The following MAML3 variants were observed in gnomAD, a reference collection of about 807,000 sequenced individuals.
MAML3 encodes mastermind-like protein 3.
In MAML3, 27 loss-of-function variants were observed where a neutral mutation model predicts 101.9. The ratio of observed to expected loss-of-function variants is 0.27; its 90% CI spans 0.20 to 0.37. The LOEUF (loss-of-function observed/expected upper bound fraction) is 0.37. Among genes scored for constraint, MAML3 ranks in the 10% least tolerant of loss-of-function variants. The pLI, the probability that MAML3 is intolerant of heterozygous loss-of-function variation, is 1.00. For synonymous variants in MAML3, 501 were observed against 555.9 expected (o/e 0.90, Z 1.39); for missense variants, 1,316 against 1,444.9 (o/e 0.91, Z 1.45).
chr4:140,083,595 A>T (rs887394931), intron 1 of MAML3, among the ~76,000 whole-genome samples: 2 of 152,180 alleles, frequency 1.3e-5, no homozygotes, highest in Non-Finnish European at 2.9e-5. Context: ...CCTAACATGC[A>T]GGTCTGCCTG....
intron 1 of MAML3, among the ~76,000 whole-genome samples, chr4:140,093,590 T>G (rs76430859): frequency 6.6e-6 from 1 of 151,482 alleles, no homozygotes; most frequent in East Asian, 1.9e-4. Context: ...CTAATTTTTT[T>G]TAATTTTTTT....
intron 1 of MAML3, among the ~76,000 whole-genome samples, chr4:139,911,207 A>C (rs1372219215): frequency 6.7e-6 from 1 of 150,264 alleles, no homozygotes; most frequent in Non-Finnish European, 1.5e-5. Context: ...CCTGCATTGC[A>C]GCATGTCAGA....
chr4:140,109,332 A>G (rs1241225065), intron 1 of MAML3, among the ~76,000 whole-genome samples: 1 of 152,186 alleles, frequency 6.6e-6, no homozygotes, highest in Non-Finnish European at 1.5e-5. Context: ...GAATTTCATG[A>G]TAATGATTTC....
chr4:139,825,887 A>AT, intron 2 of MAML3, among the ~76,000 whole-genome samples: 1 of 152,308 alleles, frequency 6.6e-6, no homozygotes, highest in East Asian at 1.9e-4. Flanking sequence ...GAGAGGAGGC[A>AT]TGGGTGTTCT....
chr4:139,735,508 C>G lies in MAML3; in HGVS notation c.2080-4841G>C, dbSNP rs1427854160. ...GGCGGACACCAGACCCCAGGGCCGA[C>G]AGCCCGGGAGGGACCGGGTTCCAGG... On this transcript the variant is annotated intron_variant, in intron 2 of 4. Coordinates refer to ENST00000509479, the MANE Select transcript of MAML3 (RefSeq NM_018717.5). The surrounding 1 kb of genome is among the most constrained non-coding windows in gnomAD (Gnocchi z 5.8). Among the ~76,000 whole-genome samples, 2 of 151,940 alleles carry G rather than the reference C, an allele frequency of 1.3e-5. No individual in the cohort carries two copies. Among genetic ancestry groups the G allele is most frequent in the Non-Finnish European group, 2.9e-5 (2 of 67,966 alleles).
intron 1 of MAML3, among the ~76,000 whole-genome samples, chr4:139,931,911 C>T (rs1332306579): frequency 3.3e-5 from 5 of 151,510 alleles, no homozygotes; most frequent in East Asian, 1.9e-4. Flanking sequence ...CCCAGCTACT[C>T]GGGAGGCTGA....
intron 1 of MAML3, among the ~76,000 whole-genome samples, chr4:139,920,397 T>A (rs1316996264): frequency 1.3e-5 from 2 of 152,170 alleles, no homozygotes; most frequent in Admixed American, 1.3e-4. Context: ...AACACTTCTG[T>A]GGATGTGTGC....
At chr4:139,741,886 T>TAAA (rs1729177721) in intron 2 of MAML3, among the ~76,000 whole-genome samples, 1 of 151,788 alleles carries the variant, frequency 6.6e-6, no homozygotes, top group Non-Finnish European at 1.5e-5. Context: ...ATTGCATTTT[T>TAAA]AAAACGCCCT....
chr4:139,924,121 A>G (rs542407782), intron 1 of MAML3, among the ~76,000 whole-genome samples: 22 of 152,294 alleles, frequency 1.4e-4, no homozygotes, highest in African/African-American at 4.3e-4. Flanking sequence ...TCTTCAACCT[A>G]TTACTCTCTT....
intron 1 of MAML3, among the ~76,000 whole-genome samples, chr4:139,905,491 C>CAA (rs57898254): frequency 1.3e-5 from 1 of 79,976 alleles, no homozygotes; most frequent in Non-Finnish European, 2.7e-5. Context: ...GACTCTGTCT[C>CAA]AAAAAAAAAA....
intron 1 of MAML3, among the ~76,000 whole-genome samples, chr4:139,939,986 G>C (rs574692613): frequency 6.6e-6 from 1 of 152,046 alleles, no homozygotes; most frequent in South Asian, 2.1e-4. Context: ...GGCTGGTCTC[G>C]AACTCCTGAC....
chr4:140,129,317 T>C (rs1236219296), intron 1 of MAML3, among the ~76,000 whole-genome samples: 1 of 152,142 alleles, frequency 6.6e-6, no homozygotes, highest in Non-Finnish European at 1.5e-5. Context: ...CAGGAATAAC[T>C]TAGAACACAA....
chr4:140,130,875 G>A (rs1467229322), intron 1 of MAML3, among the ~76,000 whole-genome samples: 7 of 152,046 alleles, frequency 4.6e-5, no homozygotes, highest in East Asian at 3.9e-4. Flanking sequence ...ACCACCCAGC[G>A]CTGGCCACTC....
chr4:139,887,017 A>C (rs1732357219), intron 2 of MAML3, among the ~76,000 whole-genome samples: 1 of 152,244 alleles, frequency 6.6e-6, no homozygotes, highest in Admixed American at 6.5e-5. Context: ...CATTGTGATC[A>C]ACAAAGAATA....
chr4:139,879,019 G>A (rs2111185158), intron 2 of MAML3, among the ~76,000 whole-genome samples: 1 of 152,276 alleles, frequency 6.6e-6, no homozygotes, highest in East Asian at 1.9e-4. Context: ...ACCACATTGG[G>A]ACTGGGGAGA....
chr4:140,152,457 G>C (rs1391152327), intron 1 of MAML3, among the ~76,000 whole-genome samples: 1 of 152,102 alleles, frequency 6.6e-6, no homozygotes, highest in Admixed American at 6.5e-5. Flanking sequence ...GGGAGGCGAG[G>C]CGGCGCGGCT....
At position 139,719,321 on chromosome 4, in the gene MAML3, G is replaced by C. The variant is rs1449676049; in HGVS notation, c.*2C>G. On this transcript the variant is annotated 3_prime_UTR_variant, in exon 5 of 5. Coordinates refer to ENST00000509479, the MANE Select transcript of MAML3 (RefSeq NM_018717.5). ...AGTTGTGGATCTTGGGGCCTCTCTT[G>C]ATTAGGGGTTACCAAACAATTCATC... The C allele has an allele frequency of 6.3e-7, 1 of 1,576,548 alleles. No individual in the cohort carries two copies. Among genetic ancestry groups the C allele is most frequent in the African/African-American group, 1.3e-5 (1 of 74,086 alleles).
chr4:139,783,669 C>T (rs1261253548), intron 2 of MAML3, among the ~76,000 whole-genome samples: 1 of 152,182 alleles, frequency 6.6e-6, no homozygotes, highest in Non-Finnish European at 1.5e-5. Flanking sequence ...TCATTCTGAC[C>T]ATGCAAATCT....
At chr4:140,003,324 C>T (rs1045352875) in intron 1 of MAML3, among the ~76,000 whole-genome samples, 12 of 152,180 alleles carry the variant, frequency 7.9e-5, no homozygotes, top group African/African-American at 2.2e-4. Flanking sequence ...AGGGAGCTCT[C>T]GGACAAAGTT....
Sources: allele counts gnomAD v4.1 joint callset (sites outside exome capture counted in the v4.1 genomes callset), GRCh38; gene constraint gnomAD v4.1.1; non-coding constraint Gnocchi (gnomAD v3.1); transcripts MANE v1.5; gene names NCBI Gene and HGNC (gene_info 2026-07-23, HGNC 2026-07-21).